The following TPP2 variants were observed in gnomAD, a reference collection of about 807,000 sequenced individuals.
TPP2 encodes tripeptidyl-peptidase 2.
In TPP2, 34 loss-of-function variants were observed where a neutral mutation model predicts 155.9. The observed-to-expected ratio is 0.22, with a 90% CI of 0.17 to 0.29. The LOEUF (loss-of-function observed/expected upper bound fraction) is 0.29. Among genes scored for constraint, TPP2 ranks in the 10% least tolerant of loss-of-function variants. TPP2 has a pLI of 1.00. For synonymous variants in TPP2, 510 were observed against 529.4 expected (o/e 0.96, Z 0.50); for missense variants, 1,028 against 1,522.3 (o/e 0.68, Z 5.40).
At chr13:102,620,044 A>C (rs1458571369) in intron 5 of TPP2, among the ~76,000 whole-genome samples, 1 of 152,220 alleles carries the variant, frequency 6.6e-6, no homozygotes, top group African/African-American at 2.4e-5. Context: ...GAAATACTAA[A>C]ATATTAGCAG....
At chr13:102,635,481 CAA>C (rs1231176266) in intron 11 of TPP2, 104 bp from the exon 12 acceptor site, 17 of 718,560 alleles carry the variant, frequency 2.4e-5, no homozygotes, top group Non-Finnish European at 3.9e-5. Context: ...TGTTAGAACA[CAA>C]GACATTAACA....
At chr13:102,640,497 A>G (rs1049838085) in intron 16 of TPP2, 121 bp downstream of exon 16, 2 of 719,278 alleles carry the variant, frequency 2.8e-6, no homozygotes, top group African/African-American at 3.6e-5. Context: ...GTATTTGGGT[A>G]CCTTAGACTT....
intron 13 of TPP2, 21 bp downstream of exon 13, chr13:102,636,413 A>G (rs1244165847): frequency 6.3e-7 from 1 of 1,598,180 alleles, no homozygotes; most frequent in Non-Finnish European, 8.5e-7. Flanking sequence ...GGCTGGCAGT[A>G]AGCTGACGTA....
At chr13:102,662,422 G>C (rs1013037874) in intron 25 of TPP2, among the ~76,000 whole-genome samples, 1 of 152,066 alleles carries the variant, frequency 6.6e-6, no homozygotes, top group South Asian at 2.1e-4. Context: ...AAATTGAAAA[G>C]GTTGTTTACC....
At chr13:102,611,181 C>A (rs35832914) in intron 2 of TPP2, among the ~76,000 whole-genome samples, 2 of 151,972 alleles carry the variant, frequency 1.3e-5, no homozygotes, top group African/African-American at 2.4e-5. Context: ...TGGTTTGTAC[C>A]TACTACATTC....
intron 24 of TPP2, among the ~76,000 whole-genome samples, chr13:102,653,152 TC>T (rs1180103695): frequency 1.2e-4 from 19 of 152,344 alleles, no homozygotes; most frequent in Admixed American, 7.8e-4. Context: ...CTCTGCTCGT[TC>T]CTTTCTGTCT....
At chr13:102,629,908 G>A (rs1439593427) in intron 9 of TPP2, among the ~76,000 whole-genome samples, 188 bp from the exon 10 acceptor site, 2 of 152,170 alleles carry the variant, frequency 1.3e-5, no homozygotes, top group Non-Finnish European at 2.9e-5. Context: ...GTATCCAAAA[G>A]CAAAGTTCTT....
intron 6 of TPP2, 156 bp from the exon 7 acceptor site, chr13:102,626,856 A>T: frequency 1.8e-6 from 1 of 568,062 alleles, no homozygotes; most frequent in Admixed American, 3.7e-5. Context: ...ACATGTTGCA[A>T]ATACTTTCCT....
chr13:102,600,442 C>A (rs1459845952), intron 1 of TPP2, among the ~76,000 whole-genome samples: 1 of 151,922 alleles, frequency 6.6e-6, no homozygotes, highest in Non-Finnish European at 1.5e-5. Flanking sequence ...GTGTTAGGGC[C>A]TGCAGCTTCA....
At chr13:102,626,969 T>C in intron 6 of TPP2, 43 bp from the exon 7 acceptor site, 1 of 1,461,230 alleles carries the variant, frequency 6.8e-7, no homozygotes, top group Non-Finnish European at 9.1e-7. Flanking sequence ...AAACTTTCAG[T>C]CCATGAGAAT....
intron 1 of TPP2, among the ~76,000 whole-genome samples, chr13:102,601,627 CT>C (rs1879437171): frequency 6.6e-6 from 1 of 152,184 alleles, no homozygotes; most frequent in Non-Finnish European, 1.5e-5. Flanking sequence ...ACTGCCCATG[CT>C]TTCAGTCCCT....
chr13:102,643,485 G>A (rs1356899790), intron 17 of TPP2, 109 bp downstream of exon 17: 2 of 1,122,716 alleles, frequency 1.8e-6, no homozygotes, highest in East Asian at 6.3e-5. Context: ...AGCATGTTGG[G>A]ATTATATATT....
At chr13:102,612,880 T>G (rs1409050851) in intron 2 of TPP2, among the ~76,000 whole-genome samples, 1 of 152,256 alleles carries the variant, frequency 6.6e-6, no homozygotes, top group Non-Finnish European at 1.5e-5. Flanking sequence ...CATTTAATCT[T>G]TTGGCATTTC....
chr13:102,638,813 T>G (rs1293505779), intron 15 of TPP2, among the ~76,000 whole-genome samples: 1 of 152,182 alleles, frequency 6.6e-6, no homozygotes, highest in African/African-American at 2.4e-5. Context: ...CAGATTATAT[T>G]ACTTCCTGCT....
intron 25 of TPP2, among the ~76,000 whole-genome samples, chr13:102,661,613 G>A (rs539510713): frequency 6.6e-6 from 1 of 152,210 alleles, no homozygotes; most frequent in South Asian, 2.1e-4. Context: ...TTTTAAATGG[G>A]TGAGTAATCT....
Position 102,634,110 on chromosome 13 carries a change from C to G in TPP2, c.1393+12C>G. 1 of 1,613,836 alleles carries G rather than the reference C, an allele frequency of 6.2e-7. No homozygotes were observed. Among genetic ancestry groups the G allele is most frequent in the South Asian group, 1.1e-5 (1 of 91,070 alleles). ...CCTGATCCTTTCAGGTAAGCGTGTTCTTTATTGTCCTTACATTATTGCAGA... is the reference window on the plus strand; with the variant it reads ...CCTGATCCTTTCAGGTAAGCGTGTTGTTTATTGTCCTTACATTATTGCAGA... On this transcript the variant is annotated intron_variant, in intron 11 of 29. Transcript: ENST00000376052.
intron 3 of TPP2, among the ~76,000 whole-genome samples, chr13:102,615,616 T>C (rs186219977): frequency 6.6e-6 from 1 of 152,230 alleles, no homozygotes; most frequent in East Asian, 1.9e-4. Context: ...CATAGAACCC[T>C]ATCAAGTCAA....
At chr13:102,659,415 A>G (rs777256562) in intron 25 of TPP2, among the ~76,000 whole-genome samples, 57 of 152,222 alleles carry the variant, frequency 3.7e-4, no homozygotes, top group Non-Finnish European at 6.5e-4. Flanking sequence ...TAGACATAGC[A>G]TGTTAAAAAT....
At position 102,601,222 on chromosome 13, in the gene TPP2, A is replaced by G. The variant is rs74112105; in HGVS notation, c.166-3571A>G. 2.1e-3 allele frequency among the ~76,000 whole-genome samples: 318 copies of G among 152,342 alleles called. 3 individuals carry two copies. The highest frequency in any genetic ancestry group is 7.3e-3 in the African/African-American group (303 of 41,578). On this transcript the variant is annotated intron_variant, in intron 1 of 29. Transcript: ENST00000376052. Reference sequence around the variant, plus strand: ...GATTGTCTTATTTATATTAATCATTATATTCTTAGAATAAAAGTCACTGGT... The same window carrying G: ...GATTGTCTTATTTATATTAATCATTGTATTCTTAGAATAAAAGTCACTGGT...
Sources: gnomAD v4.1 joint callset for allele counts (sites outside exome capture counted in the v4.1 genomes callset) on GRCh38, gnomAD v4.1.1 for gene constraint, MANE v1.5 for transcripts, NCBI Gene and HGNC (gene_info 2026-07-23, HGNC 2026-07-21) for gene names.